Variants in CYFIP1 observed in about 807,000 individuals in gnomAD.
CYFIP1 encodes the protein cytoplasmic FMR1 interacting protein 1, also known as cytoplasmic FMR1-interacting protein 1.
In CYFIP1, 58 loss-of-function variants were observed where a neutral mutation model predicts 163.5. The observed-to-expected ratio is 0.35, with a 90% CI of 0.29 to 0.44. The LOEUF is 0.44. Among genes scored for constraint, CYFIP1 ranks in the 20% least tolerant of loss-of-function variants. The pLI is 1.00. For missense variants in CYFIP1, 1,338 were observed against 1,653.8 expected (o/e 0.81, Z 3.31); for synonymous variants, 663 against 660.7 (o/e 1.00, Z -0.05).
intron 22 of CYFIP1, among the ~76,000 whole-genome samples, chr15:22,900,057 A>C (rs2060346374): frequency 6.6e-6 from 1 of 152,166 alleles, no homozygotes; most frequent in African/African-American, 2.4e-5. Flanking sequence ...AGATATGTTC[A>C]ATCCTCACTC....
intron 24 of CYFIP1, among the ~76,000 whole-genome samples, chr15:22,882,276 G>A (rs943413469): frequency 7.9e-5 from 12 of 152,232 alleles, no homozygotes; most frequent in African/African-American, 1.2e-4. Context: ...CCCCCAGGAC[G>A]CTGTCTGTGC....
chr15:22,973,009 A>C (rs1271783250), intron 1 of CYFIP1, among the ~76,000 whole-genome samples: 1 of 151,986 alleles, frequency 6.6e-6, no homozygotes, highest in Admixed American at 6.6e-5. Flanking sequence ...GGTGGTGCAC[A>C]CCTGTAATCC....
In CYFIP1 at chr15:22,886,849, T is replaced by C. The variant is rs188274607; in HGVS notation, c.2677-3838A>G. Among the ~76,000 whole-genome samples the C allele has an allele frequency of 3.3e-5, 5 of 152,366 alleles. No individual in the cohort carries two copies. The East Asian group carries it at 7.7e-4, about 23-fold the overall frequency. ...TTTCTACTGTTGCTGATTTTGTGTC[T>C]ACTTGTTCTGTCAATTACTAAAATG... is the stretch of plus-strand genomic sequence containing the variant. On this transcript the variant is annotated intron_variant, in intron 23 of 30. Transcript: ENST00000617928.
At position 22,976,347 on chromosome 15, in the gene CYFIP1, A is replaced by G. The variant is rs144678759; in HGVS notation, c.-7+3940T>C. 6.5e-3 allele frequency among the ~76,000 whole-genome samples: 994 copies of G among 152,132 alleles called. 9 individuals are homozygous for G. Among genetic ancestry groups the G allele is most frequent in the African/African-American group, 0.019 (783 of 41,508 alleles). ...TAATTTTTGTATTTTTAGTAGAGAC[A>G]GGGTTTCACTATGTTGGCCAGGCTG... On this transcript the variant is annotated intron_variant, in intron 1 of 30. Coordinates refer to ENST00000617928, the MANE Select transcript of CYFIP1 (RefSeq NM_014608.6).
intron 8 of CYFIP1, among the ~76,000 whole-genome samples, chr15:22,938,035 G>A (rs2061771862): frequency 1.3e-5 from 2 of 152,194 alleles, no homozygotes; most frequent in African/African-American, 4.8e-5. Flanking sequence ...TCCGTGGACA[G>A]TGCTCCCCTG....
chr15:22,943,304 G>C lies in CYFIP1; in HGVS notation c.438C>G (p.Ala146=). The change falls in exon 6 of 31, where the codon GCC becomes GCG. Residue 146 remains alanine, a synonymous_variant. Transcript: ENST00000617928. ...FCGEVRRLCH[A]ERRKDFVSEA... ...CTGACACGAAGTCCTTCCTCCTCTC[G>C]GCATGGCACAGGCGCCTCACTTCCC... is the stretch of plus-strand genomic sequence containing the variant. 1 of 1,614,154 alleles carries C rather than the reference G, an allele frequency of 6.2e-7. No individual in the cohort carries two copies. Among genetic ancestry groups the C allele is most frequent in the Non-Finnish European group, 8.5e-7 (1 of 1,180,032 alleles).
chr15:22,885,217 T>G (rs528656935), intron 23 of CYFIP1, among the ~76,000 whole-genome samples: 1 of 152,288 alleles, frequency 6.6e-6, no homozygotes, highest in East Asian at 1.9e-4. Context: ...TTTCCAAACT[T>G]TTATACTCTG....
At chr15:22,907,338 T>C (rs1818328309) in intron 21 of CYFIP1, among the ~76,000 whole-genome samples, 1 of 151,952 alleles carries the variant, frequency 6.6e-6, no homozygotes, top group Admixed American at 6.6e-5. Context: ...CTCACAGGGG[T>C]GCCAGCGTTG....
At chr15:22,936,108 C>T (rs1450724633) in intron 9 of CYFIP1, among the ~76,000 whole-genome samples, 1 of 151,968 alleles carries the variant, frequency 6.6e-6, no homozygotes, top group African/African-American at 2.4e-5. Flanking sequence ...CTCGTTGCTA[C>T]TAAAAGTTTA....
chr15:22,939,921 C>A (rs570939374), intron 6 of CYFIP1, among the ~76,000 whole-genome samples: 2 of 152,318 alleles, frequency 1.3e-5, no homozygotes, highest in Admixed American at 6.5e-5. Context: ...CCGGCCAGCA[C>A]TGCTGAGGTT....
At chr15:22,976,340 T>C (rs1373362451) in intron 1 of CYFIP1, among the ~76,000 whole-genome samples, 1 of 152,158 alleles carries the variant, frequency 6.6e-6, no homozygotes, top group Non-Finnish European at 1.5e-5. Flanking sequence ...GTATTTTTAG[T>C]AGAGACAGGG....
intron 24 of CYFIP1, 37 bp from the exon 25 acceptor site, chr15:22,881,973 C>A (rs761774017): frequency 6.3e-6 from 10 of 1,582,606 alleles, no homozygotes; most frequent in Middle Eastern, 1.7e-4. Context: ...TCAGCCACCC[C>A]ACTCCGCTCT....
At chr15:22,929,563 T>C (rs373492008) in intron 11 of CYFIP1, among the ~76,000 whole-genome samples, 31 of 106,492 alleles carry the variant, frequency 2.9e-4, no homozygotes, top group East Asian at 2.0e-3. Context: ...ATCCGGGAGG[T>C]GGAAGTTGCA....
intron 30 of CYFIP1, among the ~76,000 whole-genome samples, chr15:22,870,927 C>A (rs888234106): frequency 1.9e-4 from 29 of 152,324 alleles, no homozygotes; most frequent in African/African-American, 7.0e-4. Context: ...AACATACACG[C>A]AAACAAAACG....
At chr15:22,939,348 A>G in intron 7 of CYFIP1, 28 bp from the exon 8 acceptor site, 3 of 1,614,104 alleles carry the variant, frequency 1.9e-6, no homozygotes, top group Non-Finnish European at 2.5e-6. Context: ...AGACTCATGC[A>G]TGGGCCCGGC....
chr15:22,939,879 T>G (rs903236368), intron 6 of CYFIP1, among the ~76,000 whole-genome samples: 1 of 152,086 alleles, frequency 6.6e-6, no homozygotes, highest in Non-Finnish European at 1.5e-5. Flanking sequence ...GCCACTGCCA[T>G]CTCCGTGACT....
chr15:22,928,100 A>G, intron 11 of CYFIP1, 72 bp from the exon 12 acceptor site: 2 of 1,407,978 alleles, frequency 1.4e-6, no homozygotes, highest in Non-Finnish European at 1.8e-6. Context: ...GGGATCCACC[A>G]TGAGAATCCA....
rs150136882 is a variant in CYFIP1 at position 22,963,422 on chromosome 15, G to A, written c.-6-16131C>T. On this transcript the variant is annotated intron_variant, in intron 1 of 30. Coordinates refer to ENST00000617928, the MANE Select transcript of CYFIP1 (RefSeq NM_014608.6). The stretch of plus-strand genomic sequence containing the variant: ...GGAGAATCGCTTCAATCCAGGAGGT[G>A]GAGGTTGCAGTGAGCCAAGACTGTG... Among the ~76,000 whole-genome samples the A allele has an allele frequency of 8.7e-3, 1,322 of 152,150 alleles. 17 individuals carry two copies. Among genetic ancestry groups the A allele is most frequent in the African/African-American group, 0.03 (1,238 of 41,484 alleles).
chr15:22,980,061 G>C (rs990179928), intron 1 of CYFIP1, among the ~76,000 whole-genome samples: 4 of 151,764 alleles, frequency 2.6e-5, no homozygotes, highest in African/African-American at 7.3e-5. Context: ...AGGGAGTGCG[G>C]GGACCTGGAG....
Sources: gnomAD v4.1 joint callset for allele counts (sites outside exome capture counted in the v4.1 genomes callset) on GRCh38, gnomAD v4.1.1 for gene constraint, MANE v1.5 for transcripts, NCBI Gene and HGNC (gene_info 2026-07-23, HGNC 2026-07-21) for gene names.